The following ARHGAP22 variants were observed in gnomAD, a reference collection of about 807,000 sequenced individuals.
ARHGAP22 encodes rho GTPase-activating protein 22.
A neutral mutation model predicts 59.1 loss-of-function variants in ARHGAP22; 48 were observed. That is an observed-to-expected ratio of 0.81 (90% CI 0.64 to 1.03). The LOEUF is 1.03. ARHGAP22 is among the 50% of genes least tolerant of loss of function. The pLI is 0.00. For missense variants in ARHGAP22, 1,015 were observed against 958.7 expected (o/e 1.06, Z -0.78); for synonymous variants, 445 against 416.4 (o/e 1.07, Z -0.84).
intron 8 of ARHGAP22, chr10:48,451,685 G>A (rs1387147236): frequency 1.0e-5 from 6 of 582,596 alleles, no homozygotes; most frequent in South Asian, 3.7e-5. Context: ...ACAATCACAC[G>A]TACAATGCAC....
chr10:48,474,612 C>CATAGGGATAGAATAGAAGAT (rs780863771), intron 4 of ARHGAP22, among the ~76,000 whole-genome samples: 1 of 151,758 alleles, frequency 6.6e-6, no homozygotes. Context: ...CCCTTCTATT[C>CATAGGGATAGAATAGAAGAT]CTAGGGATAG....
chr10:48,475,391 C>T (rs1303634864), intron 4 of ARHGAP22, among the ~76,000 whole-genome samples: 2 of 152,174 alleles, frequency 1.3e-5, no homozygotes, highest in South Asian at 2.1e-4. Context: ...CTCTCTAGCC[C>T]AGTCCTCTCT....
chr10:48,556,861 C>T (rs2057341117), intron 2 of ARHGAP22, among the ~76,000 whole-genome samples: 1 of 152,136 alleles, frequency 6.6e-6, no homozygotes, highest in Non-Finnish European at 1.5e-5. Flanking sequence ...GTATCCAGGT[C>T]GCCTCCTGCC....
chr10:48,568,203 G>A (rs774321236), intron 2 of ARHGAP22, among the ~76,000 whole-genome samples: 20 of 152,188 alleles, frequency 1.3e-4, no homozygotes, highest in East Asian at 7.7e-4. Flanking sequence ...TGTGATGGCC[G>A]TGTAGTACGC....
intron 4 of ARHGAP22, among the ~76,000 whole-genome samples, chr10:48,461,321 G>A (rs1160044713): frequency 6.6e-6 from 1 of 152,154 alleles, no homozygotes; most frequent in Non-Finnish European, 1.5e-5. Context: ...GACTGGAAGG[G>A]GCTCAAAGGC....
intron 4 of ARHGAP22, among the ~76,000 whole-genome samples, chr10:48,472,772 G>A (rs899419298): frequency 3.3e-5 from 5 of 151,614 alleles, no homozygotes; most frequent in African/African-American, 9.7e-5. Context: ...TTTCAACACC[G>A]TATGAACAAT....
intron 1 of ARHGAP22, among the ~76,000 whole-genome samples, chr10:48,593,152 GC>G (rs1398001275): frequency 1.3e-5 from 2 of 152,110 alleles, no homozygotes; most frequent in African/African-American, 4.8e-5. Flanking sequence ...TCCTCTCTCA[GC>G]CCCTTCACTC....
intron 3 of ARHGAP22, among the ~76,000 whole-genome samples, chr10:48,491,639 G>A (rs2050400434): frequency 6.6e-6 from 1 of 152,280 alleles, no homozygotes; most frequent in South Asian, 2.1e-4. Flanking sequence ...TGAATAGGAG[G>A]TTAGTGAGGG....
At chr10:48,433,509 A>G in the ARHGAP22 span, among the ~76,000 whole-genome samples, 1 of 152,060 alleles carries the variant, frequency 6.6e-6, no homozygotes. Context: ...AAGCTAATGG[A>G]CCTTTCTTGG....
chr10:48,513,787 A>C (rs1034784349), intron 3 of ARHGAP22, among the ~76,000 whole-genome samples: 1 of 152,192 alleles, frequency 6.6e-6, no homozygotes, highest in African/African-American at 2.4e-5. Flanking sequence ...CACACAAAAT[A>C]GCAGTCCATA....
intron 1 of ARHGAP22, among the ~76,000 whole-genome samples, chr10:48,619,140 T>C (rs2061195738): frequency 6.6e-6 from 1 of 152,018 alleles, no homozygotes; most frequent in Non-Finnish European, 1.5e-5. Context: ...TTAACCAAGG[T>C]GGTGAAAGAT....
At chr10:48,574,042 A>G (rs2058557599) in intron 2 of ARHGAP22, among the ~76,000 whole-genome samples, 1 of 133,126 alleles carries the variant, frequency 7.5e-6, no homozygotes, top group Non-Finnish European at 1.6e-5. Context: ...TGTTCTGGAT[A>G]CTGAGACACA....
At chr10:48,597,511 T>A (rs376401175) in intron 1 of ARHGAP22, among the ~76,000 whole-genome samples, 32 of 152,306 alleles carry the variant, frequency 2.1e-4, no homozygotes, top group African/African-American at 7.5e-4. Context: ...GGTTTCTGTC[T>A]ATAAATGGGG....
chr10:48,555,664 T>A (rs1445148), intron 2 of ARHGAP22, 114 bp from the exon 3 acceptor site: 148,811 of 944,626 alleles, frequency 0.16, 12,644 homozygotes, highest in Admixed American at 0.29. Flanking sequence ...AGGCCATGGC[T>A]GGGAAGGCTG....
At chr10:48,499,335 G>T (rs2051275025) in intron 3 of ARHGAP22, among the ~76,000 whole-genome samples, 2 of 152,250 alleles carry the variant, frequency 1.3e-5, no homozygotes, top group Admixed American at 6.5e-5. Flanking sequence ...CCAGGCATGG[G>T]CAGGCCTCGC....
chr10:48,466,079 T>TA (rs1438195111), intron 4 of ARHGAP22, among the ~76,000 whole-genome samples: 6 of 152,064 alleles, frequency 3.9e-5, no homozygotes, highest in African/African-American at 1.4e-4. Context: ...CAGTAGAGGC[T>TA]AAGCTCACCT....
intron 1 of ARHGAP22, among the ~76,000 whole-genome samples, chr10:48,648,660 A>G (rs995627119): frequency 3.3e-5 from 5 of 152,168 alleles, no homozygotes; most frequent in Non-Finnish European, 5.9e-5. Context: ...GAAAGAGGTG[A>G]GTCTGTAGGC....
intron 1 of ARHGAP22, among the ~76,000 whole-genome samples, chr10:48,601,792 T>C (rs968241789): frequency 5.3e-5 from 8 of 152,272 alleles, no homozygotes; most frequent in African/African-American, 1.9e-4. Flanking sequence ...TGCTTAGTTT[T>C]CTGCTAGGTA....
intron 3 of ARHGAP22, among the ~76,000 whole-genome samples, chr10:48,550,860 AC>A (rs1206579706): frequency 6.6e-6 from 1 of 152,162 alleles, no homozygotes; most frequent in Admixed American, 6.5e-5. Context: ...GTCGTTGCTC[AC>A]TTGGTGATTT....
Sources: gnomAD v4.1 joint callset for allele counts (sites outside exome capture counted in the v4.1 genomes callset) on GRCh38, gnomAD v4.1.1 for gene constraint, MANE v1.5 for transcripts, NCBI Gene and HGNC (gene_info 2026-07-23, HGNC 2026-07-21) for gene names.